The following HSPA12A variants were observed in gnomAD, a reference collection of about 807,000 sequenced individuals.
HSPA12A encodes heat shock protein family A (Hsp70) member 12A, also known as heat shock 70 kDa protein 12A.
In HSPA12A, 28 loss-of-function variants were observed where a neutral mutation model predicts 69.2. That is an observed-to-expected ratio of 0.40 (90% CI 0.30 to 0.55). The LOEUF (loss-of-function observed/expected upper bound fraction) is 0.55. Ranked by LOEUF, HSPA12A falls within the 20% of genes least tolerant of loss-of-function variation. The probability of loss-of-function intolerance (pLI) is 0.38; values close to 1 mark genes in which losing one functional copy is unlikely to be tolerated. For synonymous variants in HSPA12A, 345 were observed against 370.5 expected (o/e 0.93, Z 0.79); for missense variants, 686 against 900.7 (o/e 0.76, Z 3.05).
In HSPA12A at chr10:116,811,822, G is replaced by A. The variant is rs112506053; in HGVS notation, c.91+23113C>T. On this transcript the variant is annotated intron_variant, in intron 2 of 12. Transcript: ENST00000635765. ...ACCCCTACCCGGTAGGTTTGTTGTG[G>A]TGTTTACATGTCTTAAAACATGGGA... is the stretch of plus-strand genomic sequence containing the variant. 1.0e-2 allele frequency among the ~76,000 whole-genome samples: 1,518 copies of A among 152,246 alleles called. 20 individuals carry two copies. Among genetic ancestry groups the A allele is most frequent in the African/African-American group, 0.031 (1,299 of 41,532 alleles).
upstream of HSPA12A, chr10:116,850,026 G>T: frequency 1.8e-6 from 1 of 568,756 alleles, no homozygotes; most frequent in South Asian, 1.9e-5. Flanking sequence ...CGCTGCCTAA[G>T]AGGCCTCTCC....
chr10:116,704,256 T>A (rs529399317), intron 3 of HSPA12A, among the ~76,000 whole-genome samples: 2 of 152,196 alleles, frequency 1.3e-5, no homozygotes, highest in Non-Finnish European at 2.9e-5. Flanking sequence ...GTGGCACATA[T>A]ACACCATGGA....
intron 4 of HSPA12A, among the ~76,000 whole-genome samples, chr10:116,700,040 G>C (rs908823590): frequency 6.6e-6 from 1 of 152,192 alleles, no homozygotes; most frequent in Non-Finnish European, 1.5e-5. Flanking sequence ...AGAGCTTTAC[G>C]TATTTTGATT....
At chr10:116,766,973 G>A (rs575100046) in intron 2 of HSPA12A, among the ~76,000 whole-genome samples, 2 of 152,310 alleles carry the variant, frequency 1.3e-5, no homozygotes, top group African/African-American at 4.8e-5. Flanking sequence ...ATCGCGGAGG[G>A]GAAGTGGAGA....
intron 3 of HSPA12A, among the ~76,000 whole-genome samples, chr10:116,702,133 A>ATT (rs1554881702): frequency 6.6e-6 from 1 of 151,510 alleles, no homozygotes; most frequent in African/African-American, 2.4e-5. Flanking sequence ...AGAGAGAGAG[A>ATT]GAGAGAGAGA....
chr10:116,685,969 C>T (rs1849566276), intron 6 of HSPA12A, among the ~76,000 whole-genome samples: 2 of 152,184 alleles, frequency 1.3e-5, no homozygotes, highest in South Asian at 4.1e-4. Context: ...CTACGGCCAA[C>T]CACCCGGGCA....
rs184997722 is a variant in HSPA12A, at chr10:116,816,107, G to C, written c.91+18828C>G. Among the ~76,000 whole-genome samples, 9 of 152,292 alleles carry C rather than the reference G, an allele frequency of 5.9e-5. No homozygotes were observed. In the East Asian group the frequency reaches 1.7e-3, roughly 29 times the overall value. ...GAGGCTTGGAGAAGGAAAGGAACTC[G>C]CATGCTGGCCGCAGAGAGGAGTGAG... On this transcript the variant is annotated intron_variant, in intron 2 of 12. Transcript: ENST00000635765.
intron 2 of HSPA12A, among the ~76,000 whole-genome samples, chr10:116,781,818 AAT>A (rs1554891832): frequency 2.5e-4 from 38 of 152,290 alleles, no homozygotes; most frequent in African/African-American, 8.2e-4. Flanking sequence ...CCAGCTATTC[AAT>A]CTGACTCAAC....
intron 2 of HSPA12A, chr10:116,750,517 T>C: frequency 2.3e-6 from 1 of 442,348 alleles, no homozygotes; most frequent in South Asian, 2.3e-5. Flanking sequence ...ATGTCGTGGA[T>C]TATACGCATT....
intron 4 of HSPA12A, among the ~76,000 whole-genome samples, chr10:116,700,150 T>A (rs1850039181): frequency 6.6e-6 from 1 of 152,220 alleles, no homozygotes; most frequent in African/African-American, 2.4e-5. Context: ...TAACTTGGAT[T>A]ACATTTCTCA....
chr10:116,774,158 C>T (rs1554890828), intron 2 of HSPA12A, among the ~76,000 whole-genome samples: 3 of 151,954 alleles, frequency 2.0e-5, no homozygotes, highest in Non-Finnish European at 2.9e-5. Context: ...TACAGGCGCC[C>T]GCCACTACGC....
chr10:116,764,544 T>C (rs1368696255), intron 2 of HSPA12A, among the ~76,000 whole-genome samples: 1 of 152,194 alleles, frequency 6.6e-6, no homozygotes, highest in African/African-American at 2.4e-5. Context: ...ACATATATAT[T>C]TATGTTTAGT....
chr10:116,676,314 A>C, intron 11 of HSPA12A, 85 bp downstream of exon 11: 1 of 1,162,600 alleles, frequency 8.6e-7, no homozygotes, highest in Non-Finnish European at 1.3e-6. Context: ...ACCTGACTCC[A>C]CAGGCACCAG....
At chr10:116,830,618 C>G (rs1453226631) in intron 2 of HSPA12A, 1 of 151,750 alleles carries the variant, frequency 6.6e-6, no homozygotes, top group African/African-American at 2.4e-5. Flanking sequence ...AAAAAAAATT[C>G]AAAAATTAGC....
chr10:116,790,017 C>T (rs1041068132), intron 2 of HSPA12A, among the ~76,000 whole-genome samples: 13 of 151,282 alleles, frequency 8.6e-5, no homozygotes, highest in African/African-American at 2.7e-4. Context: ...AGTAGCTTTG[C>T]TGCACACTGG....
chr10:116,763,755 T>C (rs148606074), intron 2 of HSPA12A, among the ~76,000 whole-genome samples: 413 of 152,272 alleles, frequency 2.7e-3, no homozygotes, highest in Middle Eastern at 6.8e-3. Context: ...AAGATTCAAC[T>C]GAATTGGAAA....
chr10:116,696,163 C>T (rs1161466565), intron 5 of HSPA12A, among the ~76,000 whole-genome samples: 1 of 152,124 alleles, frequency 6.6e-6, no homozygotes, highest in African/African-American at 2.4e-5. Flanking sequence ...TGATCTTGGA[C>T]TTCCCAGCCT....
chr10:116,779,305 A>G (rs1435897229), intron 2 of HSPA12A, among the ~76,000 whole-genome samples: 1 of 152,160 alleles, frequency 6.6e-6, no homozygotes, highest in Non-Finnish European at 1.5e-5. Context: ...AGTAGCAGGG[A>G]GGGGAGACAA....
intron 2 of HSPA12A, among the ~76,000 whole-genome samples, chr10:116,752,429 C>G (rs190728526): frequency 6.6e-6 from 1 of 152,218 alleles, no homozygotes; most frequent in African/African-American, 2.4e-5. Context: ...CTCTCTCTCA[C>G]TTATTCATCC....
Sources: allele counts gnomAD v4.1 joint callset (sites outside exome capture counted in the v4.1 genomes callset), GRCh38; gene constraint gnomAD v4.1.1; transcripts MANE v1.5; gene names NCBI Gene and HGNC (gene_info 2026-07-23, HGNC 2026-07-21).